Variants in TYW1B observed in about 807,000 individuals in gnomAD.
The protein encoded by TYW1B is S-adenosyl-L-methionine-dependent tRNA 4-demethylwyosine synthase TYW1B.
A neutral mutation model predicts 86.9 loss-of-function variants in TYW1B; 73 were observed. That is an observed-to-expected ratio of 0.84 (90% CI 0.70 to 1.02). The LOEUF is 1.02. Ranked by LOEUF, TYW1B falls within the 50% of genes least tolerant of loss-of-function variation. The pLI, the probability that TYW1B is intolerant of heterozygous loss-of-function variation, is 0.00. For missense variants in TYW1B, 637 were observed against 827.4 expected (o/e 0.77, Z 2.82); for synonymous variants, 248 against 292.8 (o/e 0.85, Z 1.56).
At chr7:72,697,290 T>A (rs3015935) in intron 10 of TYW1B, among the ~76,000 whole-genome samples, 121,958 of 151,976 alleles carry the variant, frequency 0.8, 49,451 homozygotes, top group Middle Eastern at 0.87. Flanking sequence ...AATTCTAGCC[T>A]ATACTAGATG....
chr7:72,689,888 G>A (rs577994101), intron 11 of TYW1B, among the ~76,000 whole-genome samples: 2 of 152,188 alleles, frequency 1.3e-5, no homozygotes, highest in East Asian at 1.9e-4. Context: ...AATGTGAAAT[G>A]TTTGTTTTTT....
rs1787977891 is a variant in TYW1B at position 72,777,517 on chromosome 7, T to C, written c.863A>G (p.Gln288Arg). ...CCTGAACAAACCAGACTTCTCTTCC[T>C]GCTGTTCCTTTTCTCTCTGCATTAA... ...VKKEKREKEQ[Q>R]EEKSGLFRNM... Residue 288 changes from glutamine (Q) to arginine (R), a missense_variant, in exon 7 of 14, where the codon CAG (glutamine) becomes CGG (arginine). Coordinates refer to ENST00000620995, the MANE Select transcript of TYW1B (RefSeq NM_001145440.3). 6.2e-7 allele frequency: 1 copy of C among 1,613,748 alleles called. No individual in the cohort carries two copies. Among genetic ancestry groups the C allele is most frequent in the Admixed American group, 1.7e-5 (1 of 59,848 alleles).
intron 6 of TYW1B, among the ~76,000 whole-genome samples, chr7:72,795,476 C>G (rs1236897739): frequency 6.6e-6 from 1 of 151,958 alleles, no homozygotes; most frequent in Non-Finnish European, 1.5e-5. Flanking sequence ...CATTGTTTCC[C>G]CATGATGAGA....
chr7:72,631,310 C>T (rs1206306806), intron 11 of TYW1B, among the ~76,000 whole-genome samples: 2 of 152,054 alleles, frequency 1.3e-5, no homozygotes, highest in Admixed American at 1.3e-4. Context: ...GTCAGGAGTT[C>T]GAGGCCAGCC....
rs551398866 is a variant in TYW1B at position 72,827,416 on chromosome 7, G to C, written c.5-431C>G. 3.8e-4 allele frequency among the ~76,000 whole-genome samples: 58 copies of C among 152,134 alleles called. No individual in the cohort carries two copies. In the South Asian group the frequency reaches 9.3e-3, roughly 24 times the overall value. On this transcript the variant is annotated intron_variant, in intron 1 of 13. Transcript: ENST00000620995. ...GAGCAAGGCTCCATCTCGTGGGGGG[G>C]GCGGGGGAATCAACTGTAATAAAAA...
chr7:72,636,645 G>A (rs868946641), intron 11 of TYW1B, among the ~76,000 whole-genome samples: 5 of 152,210 alleles, frequency 3.3e-5, no homozygotes, highest in Non-Finnish European at 7.4e-5. Flanking sequence ...ATTGATTTCT[G>A]TCAAATTCTT....
At chr7:72,575,765 G>GA (rs781981128) in intron 13 of TYW1B, 46 bp from the exon 14 acceptor site, 10,916 of 1,303,864 alleles carry the variant, frequency 8.4e-3, no homozygotes, top group South Asian at 0.011. Flanking sequence ...AACATCCCTA[G>GA]AAAAAAAAAA....
intron 12 of TYW1B, among the ~76,000 whole-genome samples, chr7:72,619,229 C>T (rs1317040492): frequency 3.3e-5 from 5 of 152,268 alleles, no homozygotes; most frequent in Middle Eastern, 3.4e-3. Flanking sequence ...GCTTTCTTTT[C>T]CCCCCTCAAA....
intron 8 of TYW1B, among the ~76,000 whole-genome samples, chr7:72,740,526 C>T (rs1427340419): frequency 7.5e-6 from 1 of 132,886 alleles, no homozygotes; most frequent in African/African-American, 2.8e-5. Flanking sequence ...TCAAGGAAAT[C>T]TCTGTCAAAT....
At chr7:72,633,192 C>T (rs1554440262) in intron 11 of TYW1B, among the ~76,000 whole-genome samples, 1 of 152,236 alleles carries the variant, frequency 6.6e-6, no homozygotes, top group Admixed American at 6.5e-5. Flanking sequence ...CATTGGCCTG[C>T]CCCTTAATTT....
At chr7:72,822,143 A>T (rs1788839047) in intron 2 of TYW1B, among the ~76,000 whole-genome samples, 1 of 145,816 alleles carries the variant, frequency 6.9e-6, no homozygotes, top group Middle Eastern at 3.2e-3. Flanking sequence ...AGCCTGGGTG[A>T]CAGAGTAAGA....
At chr7:72,707,993 C>T (rs371111110) in intron 10 of TYW1B, among the ~76,000 whole-genome samples, 2 of 152,308 alleles carry the variant, frequency 1.3e-5, no homozygotes, top group East Asian at 1.9e-4. Flanking sequence ...TTCCCCTTTG[C>T]CTTCCGCCAT....
chr7:72,736,600 G>A (rs1415092427), intron 8 of TYW1B, among the ~76,000 whole-genome samples: 1 of 152,056 alleles, frequency 6.6e-6, no homozygotes, highest in East Asian at 1.9e-4. Flanking sequence ...AAAAAGAAAC[G>A]CTATCCCCTC....
chr7:72,587,835 T>C (rs1214273000), intron 13 of TYW1B, among the ~76,000 whole-genome samples: 1 of 152,148 alleles, frequency 6.6e-6, no homozygotes, highest in Non-Finnish European at 1.5e-5. Context: ...CCTCCCAAAG[T>C]TAGTTCAGTC....
At chr7:72,816,979 T>G (rs1788735978) in intron 2 of TYW1B, among the ~76,000 whole-genome samples, 1 of 152,156 alleles carries the variant, frequency 6.6e-6, no homozygotes, top group South Asian at 2.1e-4. Flanking sequence ...TGAGTCATCC[T>G]ATAGAACCTG....
rs1324769264 is a variant in TYW1B at position 72,678,404 on chromosome 7, C to T, written c.1506+16283G>A. On this transcript the variant is annotated intron_variant, in intron 11 of 13. Coordinates refer to ENST00000620995, the MANE Select transcript of TYW1B (RefSeq NM_001145440.3). Reference sequence around the variant, plus strand: ...CATATCAACATAGAGAAGCCCATTACAGGCAGAAAGAATGAATTCTAAGAG... The same window carrying T: ...CATATCAACATAGAGAAGCCCATTATAGGCAGAAAGAATGAATTCTAAGAG... Among the ~76,000 whole-genome samples, 3 of 152,166 alleles carry T rather than the reference C, an allele frequency of 2.0e-5. No individual in the cohort carries two copies. In the South Asian group the frequency reaches 6.2e-4, roughly 32 times the overall value.
chr7:72,775,571 G>A (rs1554470392), intron 7 of TYW1B, among the ~76,000 whole-genome samples: 2 of 152,018 alleles, frequency 1.3e-5, no homozygotes, highest in African/African-American at 4.8e-5. Flanking sequence ...TCTATATCCA[G>A]CAAAAAATTA....
At chr7:72,750,518 T>C (rs551619087) in intron 7 of TYW1B, among the ~76,000 whole-genome samples, 1 of 152,322 alleles carries the variant, frequency 6.6e-6, no homozygotes, top group South Asian at 2.1e-4. Context: ...TTTAGATGAT[T>C]AGTTATATAA....
chr7:72,732,516 CAA>C (rs1420303208), intron 8 of TYW1B, among the ~76,000 whole-genome samples: 1 of 151,944 alleles, frequency 6.6e-6, no homozygotes, highest in African/African-American at 2.4e-5. Context: ...CTTGAACAGC[CAA>C]TGAGTCAATG....
Sources: gnomAD v4.1 joint callset for allele counts (sites outside exome capture counted in the v4.1 genomes callset) on GRCh38, gnomAD v4.1.1 for gene constraint, MANE v1.5 for transcripts, NCBI Gene and HGNC (gene_info 2026-07-23, HGNC 2026-07-21) for gene names.